ARHGEF26: variants seen among roughly 807,000 people sequenced by gnomAD.
ARHGEF26 encodes Rho guanine nucleotide exchange factor (GEF) 26.
In ARHGEF26, 59 loss-of-function variants were observed where a neutral mutation model predicts 89.4. The ratio of observed to expected loss-of-function variants is 0.66; its 90% CI spans 0.54 to 0.82. ARHGEF26 has a LOEUF of 0.82. ARHGEF26 is among the 40% of genes least tolerant of loss of function. The pLI is 0.00. For synonymous variants in ARHGEF26, 500 were observed against 428.4 expected (o/e 1.17, Z -2.06); for missense variants, 1,234 against 1,085.6 (o/e 1.14, Z -1.92).
At chr3:154,202,562 G>A (rs918615310) in intron 9 of ARHGEF26, among the ~76,000 whole-genome samples, 2 of 152,008 alleles carry the variant, frequency 1.3e-5, no homozygotes, top group Non-Finnish European at 2.9e-5. Flanking sequence ...GCTTGATGGG[G>A]ATGGCATTGA....
chr3:154,147,524 G>A (rs146863452), intron 4 of ARHGEF26, among the ~76,000 whole-genome samples: 133 of 152,246 alleles, frequency 8.7e-4, no homozygotes, highest in African/African-American at 2.8e-3. Context: ...TCTTTCCCAC[G>A]AATGGAGACA....
At chr3:154,160,454 G>A (rs1350384050) in intron 6 of ARHGEF26, among the ~76,000 whole-genome samples, 2 of 152,146 alleles carry the variant, frequency 1.3e-5, no homozygotes, top group African/African-American at 2.4e-5. Context: ...GACATGCACT[G>A]TATTCATTCT....
intron 6 of ARHGEF26, among the ~76,000 whole-genome samples, chr3:154,186,687 G>A (rs764480673): frequency 6.6e-6 from 1 of 151,740 alleles, no homozygotes; most frequent in Non-Finnish European, 1.5e-5. Flanking sequence ...ACTTGATCCC[G>A]GGAGGCAGAA....
chr3:154,128,265 T>C (rs1377742959), intron 3 of ARHGEF26, among the ~76,000 whole-genome samples: 1 of 152,120 alleles, frequency 6.6e-6, no homozygotes, highest in East Asian at 1.9e-4. Context: ...CTTTTTTTTA[T>C]TTTGAGATGG....
chr3:154,250,117 G>A (rs142163648), intron 12 of ARHGEF26, among the ~76,000 whole-genome samples: 2,375 of 152,048 alleles, frequency 0.016, 52 homozygotes, highest in African/African-American at 0.055. Context: ...CGCAACCTCC[G>A]CCTCCCAGGT....
At chr3:154,166,473 A>G (rs755808967) in intron 6 of ARHGEF26, among the ~76,000 whole-genome samples, 2 of 152,208 alleles carry the variant, frequency 1.3e-5, no homozygotes, top group Non-Finnish European at 2.9e-5. Flanking sequence ...TGAAAAACAG[A>G]TGGAGCAGAA....
At chr3:154,149,526 G>A in intron 5 of ARHGEF26, 81 bp downstream of exon 5, 3 of 1,223,860 alleles carry the variant, frequency 2.5e-6, no homozygotes, top group East Asian at 5.0e-5. Flanking sequence ...CACTTACTGT[G>A]TGCACTTGTT....
In ARHGEF26 at chr3:154,253,152, C is replaced by G; in HGVS notation, c.2337C>G (p.His779Gln). Residue 779 changes from histidine (H) to glutamine (Q), a missense_variant, in exon 13 of 15, where the codon CAC (histidine) becomes CAG (glutamine). Transcript: ENST00000465093. ...ERARWITALG[H>Q]SSGKPPADRT... is the part of the protein sequence containing the mutation. Reference sequence around the variant, plus strand: ...CCCGCTGGATAACTGCCCTGGGACACAGCAGCGGGAAGCCGCCTGCAGACC... The same window carrying G: ...CCCGCTGGATAACTGCCCTGGGACAGAGCAGCGGGAAGCCGCCTGCAGACC... The G allele has an allele frequency of 1.2e-6, 2 of 1,614,038 alleles. No individual in the cohort carries two copies. The highest frequency in any genetic ancestry group is 1.7e-6 in the Non-Finnish European group (2 of 1,179,896).
chr3:154,212,312 A>G (rs565157496), intron 9 of ARHGEF26, among the ~76,000 whole-genome samples: 24 of 149,110 alleles, frequency 1.6e-4, no homozygotes, highest in African/African-American at 4.2e-4. Context: ...ACTGTACTAC[A>G]ACCTGGGCGA....
chr3:154,220,532 A>C (rs967054860), intron 10 of ARHGEF26, among the ~76,000 whole-genome samples: 1 of 152,178 alleles, frequency 6.6e-6, no homozygotes, highest in Non-Finnish European at 1.5e-5. Flanking sequence ...ACAAATGCAC[A>C]GTTTCCACTC....
In ARHGEF26 at chr3:154,255,542, G is replaced by C; in HGVS notation, c.*69G>C. 1 of 1,528,410 alleles carries C rather than the reference G, an allele frequency of 6.5e-7. No individual in the cohort carries two copies. Among genetic ancestry groups the C allele is most frequent in the East Asian group, 2.3e-5 (1 of 43,804 alleles). The allele number at this position is 1,528,410 out of a possible 1,614,324, so 94.7% of individuals were successfully genotyped here. A position where few individuals can be genotyped will look rare whatever the true frequency, so the allele number is the denominator to read the frequency against. Reference sequence around the variant, plus strand: ...TACCGGGCTGGTTGGTTCTGGGCTAGTTTTATTGTTAATTTTGTCACAGCC... The same window carrying C: ...TACCGGGCTGGTTGGTTCTGGGCTACTTTTATTGTTAATTTTGTCACAGCC... On this transcript the variant is annotated 3_prime_UTR_variant, in exon 15 of 15. Transcript: ENST00000465093.
intron 9 of ARHGEF26, among the ~76,000 whole-genome samples, chr3:154,202,026 A>G (rs1355779063): frequency 1.3e-5 from 2 of 152,026 alleles, no homozygotes; most frequent in African/African-American, 4.8e-5. Context: ...CCATTTGTCA[A>G]TTTTGGCTTT....
At chr3:154,185,637 A>G (rs868060469) in intron 6 of ARHGEF26, among the ~76,000 whole-genome samples, 11 of 152,256 alleles carry the variant, frequency 7.2e-5, no homozygotes, top group Middle Eastern at 3.4e-3. Context: ...TAACCCCATC[A>G]GTTAAGGGTT....
chr3:154,141,556 T>TA (rs1415957710), intron 4 of ARHGEF26, among the ~76,000 whole-genome samples: 3 of 152,216 alleles, frequency 2.0e-5, no homozygotes, highest in African/African-American at 7.2e-5. Flanking sequence ...ATGGAAGTGT[T>TA]AAACGACATG....
chr3:154,121,260 G>A (rs901928298), upstream of ARHGEF26: 1 of 152,414 alleles, frequency 6.6e-6, no homozygotes, highest in Non-Finnish European at 1.5e-5. Context: ...TTCCCAGGGA[G>A]ACTGGGGCTG....
intron 4 of ARHGEF26, among the ~76,000 whole-genome samples, chr3:154,145,090 G>C (rs1719618782): frequency 6.6e-6 from 1 of 152,184 alleles, no homozygotes; most frequent in Admixed American, 6.5e-5. Context: ...TAGGAAAAGT[G>C]ATGTCTTAGA....
intron 6 of ARHGEF26, among the ~76,000 whole-genome samples, chr3:154,183,977 C>CTTTTTT (rs548153454): frequency 7.1e-6 from 1 of 140,318 alleles, no homozygotes; most frequent in Non-Finnish European, 1.5e-5. Context: ...AATTTTCTTT[C>CTTTTTT]TTTTTTTTTT....
At chr3:154,159,848 A>C (rs980092942) in intron 6 of ARHGEF26, among the ~76,000 whole-genome samples, 16 of 152,156 alleles carry the variant, frequency 1.1e-4, no homozygotes, top group African/African-American at 3.9e-4. Flanking sequence ...ATTTTAAAGG[A>C]AAAACACATT....
In ARHGEF26 at chr3:154,143,767, G is replaced by A. The variant is rs375708976; in HGVS notation, c.1270-5622G>A. 2.0e-4 allele frequency among the ~76,000 whole-genome samples: 31 copies of A among 152,078 alleles called. No individual in the cohort carries two copies. The East Asian group carries it at 4.8e-3, about 24-fold the overall frequency. ...GCACGTTTAAAAATTGTTAGTCTTC[G>A]GTTAAATTATAGAATTGCCCTTTAC... On this transcript the variant is annotated intron_variant, in intron 4 of 14. Coordinates refer to ENST00000465093, the MANE Select transcript of ARHGEF26 (RefSeq NM_015595.4).
Sources: gnomAD v4.1 joint callset for allele counts (sites outside exome capture counted in the v4.1 genomes callset) on GRCh38, gnomAD v4.1.1 for gene constraint, MANE v1.5 for transcripts, NCBI Gene and HGNC (gene_info 2026-07-23, HGNC 2026-07-21) for gene names.